Variants in PLCXD1 observed in about 807,000 individuals in gnomAD.
PLCXD1 encodes phosphatidylinositol specific phospholipase C X domain containing 1, also known as PI-PLC X domain-containing protein 1.
Under a neutral mutation model 37.8 loss-of-function variants are expected in PLCXD1, and 45 were observed. The observed-to-expected ratio is 1.19, with a 90% CI of 0.94 to 1.53. PLCXD1 has a LOEUF of 1.53. Ranked by LOEUF, PLCXD1 falls within the 40% of genes most tolerant of loss-of-function variation. PLCXD1 has a pLI of 0.00. For missense variants in PLCXD1, 539 were observed against 454.7 expected (o/e 1.19, Z -1.69); for synonymous variants, 246 against 206.9 (o/e 1.19, Z -1.62).
upstream of PLCXD1, among the ~76,000 whole-genome samples, chrX:277,139 C>A (rs1241258190): frequency 1.3e-5 from 2 of 151,954 alleles, no homozygotes; most frequent in Non-Finnish European, 2.9e-5. Flanking sequence ...GAGTGGGGGC[C>A]GCCCCCGGGG....
At position 302,739 on chromosome X, in the gene PLCXD1, A is replaced by T. The variant is rs2070056778; in HGVS notation, c.*3404A>T. On this transcript the variant is annotated 3_prime_UTR_variant, in exon 7 of 7. Coordinates refer to ENST00000381657, the MANE Select transcript of PLCXD1 (RefSeq NM_018390.4). ...CAGGCGCCCGCCACCACGCCCGGAT[A>T]ATTTTTGTGTGTTTAGCAGAGACGG... 1 of 151,880 alleles carries T rather than the reference A, an allele frequency of 6.6e-6. No individual in the cohort carries two copies. The highest frequency in any genetic ancestry group is 6.6e-5 in the Admixed American group (1 of 15,202). 9.4% of individuals were successfully genotyped at this position (151,880 alleles called of 1,614,324 possible).
At chrX:298,745 C>T (rs997689246) in intron 6 of PLCXD1, among the ~76,000 whole-genome samples, 3 of 75,348 alleles carry the variant, frequency 4.0e-5, no homozygotes, top group Non-Finnish European at 5.6e-5. Flanking sequence ...TCCTGTCTAT[C>T]ACATGGGGAT....
upstream of PLCXD1, among the ~76,000 whole-genome samples, chrX:277,316 ACCTGGGATGTGAGGGGAGGGGTTGG>A (rs1390253102): frequency 3.2e-5 from 1 of 31,026 alleles, no homozygotes; most frequent in Non-Finnish European, 8.4e-5. Flanking sequence ...TGGTCAGGGG[ACCTGGGATGTGAGGGGAGGGGTTGG>A]GGAACGTGGG....
chrX:283,163 G>C (rs2069329928), intron 1 of PLCXD1: 1 of 150,502 alleles, frequency 6.6e-6, no homozygotes, highest in African/African-American at 2.4e-5. Flanking sequence ...GGTCCGGGCA[G>C]TGGCTCACGC....
chrX:289,112 G>A (rs1330642602), intron 3 of PLCXD1, among the ~76,000 whole-genome samples: 1 of 152,042 alleles, frequency 6.6e-6, no homozygotes, highest in Non-Finnish European at 1.5e-5. Flanking sequence ...TTTGAGACAG[G>A]GTCTCACTCT....
At chrX:283,021 G>C (rs1217655221) in intron 1 of PLCXD1, 1 of 144,548 alleles carries the variant, frequency 6.9e-6, no homozygotes, top group East Asian at 2.0e-4. Context: ...TTATATATAT[G>C]TTATGTATAT....
Position 303,024 on chromosome X carries a change from A to G in PLCXD1, c.*3689A>G, listed in dbSNP as rs1036437031. On this transcript the variant is annotated 3_prime_UTR_variant, in exon 7 of 7. Coordinates refer to ENST00000381657, the MANE Select transcript of PLCXD1 (RefSeq NM_018390.4). ...ACATCAGTTTCTCAGGATGATCCTCAAGAACGTTATGGAGTCCATGTTGCA... is the reference window on the plus strand; with the variant it reads ...ACATCAGTTTCTCAGGATGATCCTCGAGAACGTTATGGAGTCCATGTTGCA... The G allele has an allele frequency of 6.6e-6, 1 of 152,178 alleles. No individual in the cohort carries two copies. Among genetic ancestry groups the G allele is most frequent in the Non-Finnish European group, 1.5e-5 (1 of 68,044 alleles). 9.4% of individuals were successfully genotyped at this position (152,178 alleles called of 1,614,324 possible).
At chrX:284,592 GCA>G (rs2069385411) in intron 2 of PLCXD1, among the ~76,000 whole-genome samples, 1 of 2,986 alleles carries the variant, frequency 3.3e-4, no homozygotes, top group East Asian at 0.021. Context: ...ATGCACACAC[GCA>G]CACACGCACA....
At chrX:285,297 C>T (rs2069413235) in intron 2 of PLCXD1, among the ~76,000 whole-genome samples, 1 of 152,116 alleles carries the variant, frequency 6.6e-6, no homozygotes, top group Admixed American at 6.5e-5. Flanking sequence ...CATGGATGCA[C>T]ATACACATGC....
upstream of PLCXD1, among the ~76,000 whole-genome samples, chrX:279,775 G>GGAA (rs757116573): frequency 0.13 from 18,392 of 140,144 alleles, 1,431 homozygotes; most frequent in East Asian, 0.24. Context: ...CCCTGTCTCT[G>GGAA]AAAAAAAAAA....
intron 2 of PLCXD1, among the ~76,000 whole-genome samples, chrX:287,844 A>G (rs143022058): frequency 0.09 from 13,685 of 151,770 alleles, 847 homozygotes; most frequent in African/African-American, 0.18. Context: ...GTCAAACTCT[A>G]CAAAGGTCTG....
intron 3 of PLCXD1, among the ~76,000 whole-genome samples, chrX:290,256 T>G (rs1234920551): frequency 6.6e-6 from 1 of 151,700 alleles, no homozygotes; most frequent in Non-Finnish European, 1.5e-5. Flanking sequence ...TGAAACCACA[T>G]CTCTACTAAA....
intron 2 of PLCXD1, 80 bp downstream of exon 2, chrX:284,394 TC>T: frequency 6.6e-7 from 1 of 1,524,294 alleles, no homozygotes; most frequent in South Asian, 1.1e-5. Context: ...GCGTCTGCAT[TC>T]CCCAGTGGGG....
At chrX:294,497 AT>A (rs1699479979) in intron 6 of PLCXD1, among the ~76,000 whole-genome samples, 3 of 149,506 alleles carry the variant, frequency 2.0e-5, no homozygotes, top group Non-Finnish European at 4.4e-5. Flanking sequence ...AAAAAAAAAA[AT>A]AGGCACCTGT....
At chrX:289,127 A>G (rs1435665928) in intron 3 of PLCXD1, among the ~76,000 whole-genome samples, 1 of 151,838 alleles carries the variant, frequency 6.6e-6, no homozygotes, top group Non-Finnish European at 1.5e-5. Context: ...CACTCTTCTT[A>G]CCCGGGCTGG....
rs1261321774 is a variant in PLCXD1, at chrX:290,690, C to G, written c.307C>G (p.Leu103Val). 1.9e-6 allele frequency: 3 copies of G among 1,613,792 alleles called. No homozygotes were observed. Among genetic ancestry groups the G allele is most frequent in the South Asian group, 1.1e-5 (1 of 91,076 alleles). Residue 103 changes from leucine (L) to valine (V), a missense_variant, in exon 4 of 7, where the codon CTG becomes GTG. Physicochemically the swap from Leu to Val is conservative, Grantham distance 32 (BLOSUM62 1). Coordinates refer to ENST00000381657, the MANE Select transcript of PLCXD1 (RefSeq NM_018390.4). Reference protein sequence around the residue: ...TEQLDAGVRYLDLRIAHMLEG... With the variant: ...TEQLDAGVRYVDLRIAHMLEG... Reference sequence around the variant, plus strand: ...GCAGCTGGATGCCGGGGTGCGGTACCTGGACCTGCGGATAGCCCACATGCT... The same window carrying G: ...GCAGCTGGATGCCGGGGTGCGGTACGTGGACCTGCGGATAGCCCACATGCT...
Position 290,747 on chromosome X carries a change from C to A in PLCXD1, c.364C>A (p.His122Asn). 6.2e-7 allele frequency: 1 copy of A among 1,613,450 alleles called. No individual in the cohort carries two copies. Among genetic ancestry groups the A allele is most frequent in the Non-Finnish European group, 8.5e-7 (1 of 1,179,816 alleles). ...EGSEKNLHFV[H>N]MVYTTALVED... ...CTCGGAGAAGAACCTGCACTTTGTCCATATGGTGTACACAACGGCGCTGGT... is the reference window on the plus strand; with the variant it reads ...CTCGGAGAAGAACCTGCACTTTGTCAATATGGTGTACACAACGGCGCTGGT... The change falls in exon 4 of 7, where the codon CAT becomes AAT. Residue 122 changes from histidine (H) to asparagine (N), a missense_variant. Coordinates refer to ENST00000381657, the MANE Select transcript of PLCXD1 (RefSeq NM_018390.4).
rs760215966 is a variant in PLCXD1 at position 293,761 on chromosome X, G to A, written c.733+543G>A. ...CCTTAAGACATCACGCTCAGTGAGA[G>A]AAGCCAGACACAAAAGGACACGTAG... is the stretch of plus-strand genomic sequence containing the variant. On this transcript the variant is annotated intron_variant, in intron 6 of 6. Coordinates refer to ENST00000381657, the MANE Select transcript of PLCXD1 (RefSeq NM_018390.4). Among the ~76,000 whole-genome samples the A allele has an allele frequency of 3.9e-5, 6 of 152,260 alleles. No homozygotes were observed. The South Asian group carries it at 1.2e-3, about 32-fold the overall frequency.
In PLCXD1 at chrX:299,445, T is replaced by C. The variant is rs948281215; in HGVS notation, c.*110T>C. The C allele has an allele frequency of 1.2e-6, 1 of 824,134 alleles. No homozygotes were observed. The highest frequency in any genetic ancestry group is 2.1e-6 in the Non-Finnish European group (1 of 484,474). 51.1% of individuals were successfully genotyped at this position (824,134 alleles called of 1,614,324 possible). On this transcript the variant is annotated 3_prime_UTR_variant, in exon 7 of 7. Coordinates refer to ENST00000381657, the MANE Select transcript of PLCXD1 (RefSeq NM_018390.4). ...TTGGTGATCATAGGACCGATGATAATACGTTTTCATTTTCTTTAAAATAGA... is the reference window on the plus strand; with the variant it reads ...TTGGTGATCATAGGACCGATGATAACACGTTTTCATTTTCTTTAAAATAGA...
Sources: allele counts gnomAD v4.1 joint callset (sites outside exome capture counted in the v4.1 genomes callset), GRCh38; gene constraint gnomAD v4.1.1; transcripts MANE v1.5; gene names NCBI Gene and HGNC (gene_info 2026-07-23, HGNC 2026-07-21).